The following DAB1 variants were observed in gnomAD, a reference collection of about 807,000 sequenced individuals.
The protein encoded by DAB1 is disabled homolog 1.
A neutral mutation model predicts 64.6 loss-of-function variants in DAB1; 15 were observed. That is an observed-to-expected ratio of 0.23 (90% CI 0.16 to 0.36). The LOEUF (loss-of-function observed/expected upper bound fraction) is 0.36. DAB1 is among the 10% of genes least tolerant of loss of function. The pLI is 1.00. For synonymous variants in DAB1, 235 were observed against 251.9 expected (o/e 0.93, Z 0.64); for missense variants, 596 against 706.7 (o/e 0.84, Z 1.78).
At chr1:57,842,667 T>C (rs1653108222) in intron 1 of DAB1, among the ~76,000 whole-genome samples, 1 of 152,140 alleles carries the variant, frequency 6.6e-6, no homozygotes, top group South Asian at 2.1e-4. Context: ...AAGGGGGGGA[T>C]GTGCCATACT....
upstream of DAB1, among the ~76,000 whole-genome samples, chr1:57,425,822 A>C (rs1685263929): frequency 6.6e-6 from 1 of 152,150 alleles, no homozygotes; most frequent in Non-Finnish European, 1.5e-5. Flanking sequence ...AGTCTCTACA[A>C]GTTTTCCAAA....
At chr1:58,376,069 CTCTT>C (rs914628488) in intron 3 of DAB1, among the ~76,000 whole-genome samples, 1 of 151,966 alleles carries the variant, frequency 6.6e-6, no homozygotes, top group African/African-American at 2.4e-5. Context: ...TGATTCTTCT[CTCTT>C]TTTTTCTTTG....
At chr1:57,258,640 G>T (rs1490749626) in intron 2 of DAB1, among the ~76,000 whole-genome samples, 2 of 152,022 alleles carry the variant, frequency 1.3e-5, no homozygotes, top group African/African-American at 4.8e-5. Flanking sequence ...TTTGTACTTT[G>T]AACTACATTT....
chr1:57,553,051 T>G (rs1482939466), intron 7 of DAB1, among the ~76,000 whole-genome samples: 3 of 151,944 alleles, frequency 2.0e-5, no homozygotes, highest in Non-Finnish European at 4.4e-5. Flanking sequence ...CTGATCATTG[T>G]GACAGAGATG....
intron 1 of DAB1, among the ~76,000 whole-genome samples, chr1:57,315,648 G>A (rs985532501): frequency 3.3e-4 from 50 of 152,186 alleles, no homozygotes; most frequent in African/African-American, 1.1e-3. Context: ...GACTACAAGT[G>A]CCTGCCACCA....
At chr1:58,256,722 C>T (rs1305586859) in intron 4 of DAB1, among the ~76,000 whole-genome samples, 24 of 150,672 alleles carry the variant, frequency 1.6e-4, no homozygotes. Flanking sequence ...TATTGTTCAT[C>T]TCCATAGCCC....
At chr1:57,890,232 A>G (rs1644290964) in intron 5 of DAB1, among the ~76,000 whole-genome samples, 1 of 152,082 alleles carries the variant, frequency 6.6e-6, no homozygotes, top group South Asian at 2.1e-4. Context: ...ACACATGCAC[A>G]CCATCTCTCC....
chr1:57,342,674 G>A (rs1677695122), intron 1 of DAB1, among the ~76,000 whole-genome samples: 1 of 152,144 alleles, frequency 6.6e-6, no homozygotes, highest in African/African-American at 2.4e-5. Context: ...CTTAAAGGTG[G>A]CCTGTCCGGA....
At chr1:58,254,171 C>T (rs930927930) in intron 4 of DAB1, among the ~76,000 whole-genome samples, 21 of 152,008 alleles carry the variant, frequency 1.4e-4, no homozygotes, top group African/African-American at 4.3e-4. Context: ...CCTTTTTAAA[C>T]GTATATTAGT....
intron 1 of DAB1, among the ~76,000 whole-genome samples, chr1:57,830,360 A>G (rs926153285): frequency 2.0e-5 from 3 of 152,190 alleles, no homozygotes; most frequent in African/African-American, 7.2e-5. Flanking sequence ...CAGTAATACT[A>G]TGAGGTAGGC....
chr1:57,353,986 A>C (rs1570352039), intron 1 of DAB1, among the ~76,000 whole-genome samples: 1 of 152,266 alleles, frequency 6.6e-6, no homozygotes, highest in South Asian at 2.1e-4. Context: ...AAAATGAATC[A>C]CCTCAAATTT....
At chr1:57,443,044 G>T (rs1389430080) in intron 7 of DAB1, among the ~76,000 whole-genome samples, 1 of 152,032 alleles carries the variant, frequency 6.6e-6, no homozygotes, top group Non-Finnish European at 1.5e-5. Flanking sequence ...TGAAATCTTG[G>T]GTGTTCATTT....
chr1:57,151,678 T>C (rs1659678427), intron 2 of DAB1, among the ~76,000 whole-genome samples: 2 of 150,946 alleles, frequency 1.3e-5, no homozygotes, highest in South Asian at 2.1e-4. Flanking sequence ...GATAATAATC[T>C]CTTAAATATT....
intron 2 of DAB1, among the ~76,000 whole-genome samples, chr1:57,254,682 T>G (rs1000171279): frequency 6.6e-6 from 1 of 152,228 alleles, no homozygotes; most frequent in African/African-American, 2.4e-5. Flanking sequence ...GTCTAGGTTA[T>G]TTCTTTTGTT....
At chr1:57,291,808 T>C (rs184489576) in intron 1 of DAB1, among the ~76,000 whole-genome samples, 1 of 152,180 alleles carries the variant, frequency 6.6e-6, no homozygotes, top group South Asian at 2.1e-4. Context: ...CATTCTCTAA[T>C]AAATGTGCAT....
At chr1:57,094,274 C>T (rs891417689) in intron 4 of DAB1, among the ~76,000 whole-genome samples, 1 of 152,144 alleles carries the variant, frequency 6.6e-6, no homozygotes, top group Non-Finnish European at 1.5e-5. Context: ...CATAGCAGGG[C>T]AGCTTTGGCT....
rs866894538 is a variant in DAB1, at chr1:57,544,166, A to G, written n.625+105426T>C. Among the ~76,000 whole-genome samples the G allele has an allele frequency of 3.3e-5, 5 of 152,326 alleles. No homozygotes were observed. In the Middle Eastern group the frequency reaches 0.01, roughly 311 times the overall value. On this transcript the variant is annotated intron_variant and non_coding_transcript_variant, in intron 7 of 20. Transcript: ENST00000485760. Reference sequence around the variant, plus strand: ...TACACTTACAGAACTGGAAGGATCCAACCAATGCATGAGAATATGCATTTA... The same window carrying G: ...TACACTTACAGAACTGGAAGGATCCGACCAATGCATGAGAATATGCATTTA...
At chr1:57,907,773 G>A (rs1644575293) in intron 5 of DAB1, among the ~76,000 whole-genome samples, 1 of 151,950 alleles carries the variant, frequency 6.6e-6, no homozygotes, top group Non-Finnish European at 1.5e-5. Flanking sequence ...GTTGCTTAAC[G>A]ATGGGGATAC....
chr1:58,355,503 C>A (rs1022502643), intron 3 of DAB1, among the ~76,000 whole-genome samples: 1 of 151,934 alleles, frequency 6.6e-6, no homozygotes, highest in Non-Finnish European at 1.5e-5. Context: ...ACAAGCCTGG[C>A]AGACCTCTCA....
Sources: gnomAD v4.1 joint callset for allele counts (sites outside exome capture counted in the v4.1 genomes callset) on GRCh38, gnomAD v4.1.1 for gene constraint, MANE v1.5 for transcripts, NCBI Gene and HGNC (gene_info 2026-07-23, HGNC 2026-07-21) for gene names.